PLCG2: variants seen among roughly 807,000 people sequenced by gnomAD.
PLCG2 encodes the protein phospholipase C gamma 2.
PLCG2 carries 69 observed loss-of-function variants against 175.6 expected under a neutral mutation model. The observed-to-expected ratio is 0.39, with a 90% CI of 0.32 to 0.48. PLCG2 has a LOEUF of 0.48. Ranked by LOEUF, PLCG2 falls within the 20% of genes least tolerant of loss-of-function variation. PLCG2 has a pLI of 0.91. For missense variants in PLCG2, 1,798 were observed against 1,650.9 expected (o/e 1.09, Z -1.54); for synonymous variants, 827 against 624.0 (o/e 1.33, Z -4.85).
At position 81,844,043 on chromosome 16, in the gene PLCG2, G is replaced by A. The variant is rs546034064; in HGVS notation, c.194-10401G>A. Among the ~76,000 whole-genome samples, 14 of 142,548 alleles carry A rather than the reference G, an allele frequency of 9.8e-5. No individual in the cohort carries two copies. The East Asian group carries it at 2.4e-3, about 24-fold the overall frequency. 93.5% of individuals were successfully genotyped at this position (142,548 alleles called of 152,430 possible). On this transcript the variant is annotated intron_variant, in intron 2 of 32. Transcript: ENST00000564138. ...CCAGGCTGGAGTGCAGTGGTGTGAC[G>A]TCGGCTCACTACAAGCTCTGCCTCC...
At chr16:81,804,164 A>G (rs116232604) in intron 2 of PLCG2, among the ~76,000 whole-genome samples, 46 of 152,310 alleles carry the variant, frequency 3.0e-4, no homozygotes, top group African/African-American at 1.1e-3. Context: ...TTACTTTCCC[A>G]CCAGCAATGT....
At chr16:81,947,514 T>C (rs1911197896) in intron 31 of PLCG2, among the ~76,000 whole-genome samples, 1 of 152,188 alleles carries the variant, frequency 6.6e-6, no homozygotes, top group Admixed American at 6.5e-5. Flanking sequence ...GGTCATACCT[T>C]TTATTTATCA....
At chr16:81,932,104 C>T (rs566146798) in intron 25 of PLCG2, among the ~76,000 whole-genome samples, 45 of 152,278 alleles carry the variant, frequency 3.0e-4, no homozygotes, top group African/African-American at 8.4e-4. Flanking sequence ...CGGTTCTTTC[C>T]GGTGGAGGAA....
At chr16:81,799,894 G>T (rs777852505) in intron 2 of PLCG2, among the ~76,000 whole-genome samples, 1 of 152,154 alleles carries the variant, frequency 6.6e-6, no homozygotes, top group East Asian at 1.9e-4. Flanking sequence ...AGCCCAGCCT[G>T]TTATTAACTA....
intron 2 of PLCG2, among the ~76,000 whole-genome samples, chr16:81,833,957 A>G (rs1905383112): frequency 6.6e-6 from 1 of 152,184 alleles, no homozygotes; most frequent in Non-Finnish European, 1.5e-5. Context: ...ATTCATCTTT[A>G]GCCAGAAGCT....
intron 2 of PLCG2, among the ~76,000 whole-genome samples, chr16:81,759,662 C>T (rs112273981): frequency 3.3e-4 from 51 of 152,324 alleles, no homozygotes; most frequent in African/African-American, 1.1e-3. Flanking sequence ...TCCTAGGGAC[C>T]GCTACTGTTG....
intron 2 of PLCG2, among the ~76,000 whole-genome samples, chr16:81,802,137 G>T (rs1422410272): frequency 2.0e-5 from 1 of 49,954 alleles, no homozygotes; most frequent in African/African-American, 6.5e-5. Flanking sequence ...TTTTTGAGAC[G>T]GATCTCGCTC....
intron 2 of PLCG2, among the ~76,000 whole-genome samples, chr16:81,832,418 C>G (rs1427234905): frequency 2.6e-5 from 4 of 152,220 alleles, no homozygotes; most frequent in Non-Finnish European, 4.4e-5. Flanking sequence ...GAGACACGAT[C>G]TCACTCTATC....
chr16:81,935,813 C>G (rs1394817476), intron 26 of PLCG2: 1 of 985,202 alleles, frequency 1.0e-6, no homozygotes, highest in Admixed American at 6.2e-5. Flanking sequence ...CTGGATCTTC[C>G]CCTCCCAAGA....
At chr16:81,877,866 G>A (rs894076046) in intron 7 of PLCG2, among the ~76,000 whole-genome samples, 32 of 136,338 alleles carry the variant, frequency 2.3e-4, no homozygotes, top group African/African-American at 7.6e-4. Flanking sequence ...TCATTGCATC[G>A]CTCCTTGGCT....
At position 81,960,614 on chromosome 16, in the gene PLCG2, A is replaced by G. The variant is rs1012909752; in HGVS notation, c.*2616A>G. 1.4e-4 allele frequency: 33 copies of G among 231,422 alleles called. No homozygotes were observed. The highest frequency in any genetic ancestry group is 7.1e-4 in the African/African-American group (32 of 45,260). The allele number at this position is 231,422 out of a possible 1,614,324, so 14.3% of individuals were successfully genotyped here. A position where few individuals can be genotyped will look rare whatever the true frequency, so the allele number is the denominator to read the frequency against. ...AGGTGTAGAGGGTCTTGTTTTCCAA[A>G]TTCGATCTCAGAATCTTTTTGCCAG... On this transcript the variant is annotated 3_prime_UTR_variant, in exon 33 of 33. Coordinates refer to ENST00000564138, the MANE Select transcript of PLCG2 (RefSeq NM_002661.5).
intron 27 of PLCG2, among the ~76,000 whole-genome samples, chr16:81,936,856 C>T (rs958632551): frequency 2.6e-5 from 4 of 152,200 alleles, no homozygotes; most frequent in Admixed American, 2.0e-4. Context: ...GGGATCTATT[C>T]ATCAGTAGCC....
intron 2 of PLCG2, among the ~76,000 whole-genome samples, chr16:81,764,640 A>G (rs944481505): frequency 6.6e-6 from 1 of 152,168 alleles, no homozygotes; most frequent in African/African-American, 2.4e-5. Context: ...GGCAAGCCTA[A>G]TTTTCTCCAT....
At chr16:81,793,149 C>T (rs1290303628) in intron 2 of PLCG2, among the ~76,000 whole-genome samples, 1 of 152,220 alleles carries the variant, frequency 6.6e-6, no homozygotes, top group Non-Finnish European at 1.5e-5. Flanking sequence ...ACTTCCTGGC[C>T]TCCAGGTTCC....
intron 2 of PLCG2, among the ~76,000 whole-genome samples, chr16:81,806,293 C>T (rs1366073045): frequency 2.0e-5 from 3 of 151,988 alleles, no homozygotes; most frequent in Non-Finnish European, 2.9e-5. Context: ...AAGGCATTCT[C>T]CATGTGGCAG....
intron 2 of PLCG2, among the ~76,000 whole-genome samples, chr16:81,803,263 T>C (rs1017671956): frequency 3.3e-5 from 5 of 151,694 alleles, no homozygotes; most frequent in Admixed American, 6.6e-5. Context: ...GGACTACAGG[T>C]GCCCACCACC....
At chr16:81,783,062 C>A in intron 1 of PLCG2, 2 of 457,164 alleles carry the variant, frequency 4.4e-6, no homozygotes, top group South Asian at 1.6e-5. Context: ...AAGGTTAAGT[C>A]CAAGGCCCTC....
chr16:81,890,449 CTTG>C (rs1486628888), intron 10 of PLCG2, among the ~76,000 whole-genome samples: 2 of 152,204 alleles, frequency 1.3e-5, no homozygotes, highest in Admixed American at 6.5e-5. Context: ...TCATAATTTT[CTTG>C]TTGTTCTGAT....
At chr16:81,840,677 T>C (rs1436873359) in intron 2 of PLCG2, among the ~76,000 whole-genome samples, 1 of 152,020 alleles carries the variant, frequency 6.6e-6, no homozygotes, top group Non-Finnish European at 1.5e-5. Context: ...TGACAGGAGG[T>C]GGAGCTCAGG....
Sources: allele counts gnomAD v4.1 joint callset (sites outside exome capture counted in the v4.1 genomes callset), GRCh38; gene constraint gnomAD v4.1.1; transcripts MANE v1.5; gene names NCBI Gene and HGNC (gene_info 2026-07-23, HGNC 2026-07-21).